FANCC: variants seen among roughly 807,000 people sequenced by gnomAD.
FANCC encodes Fanconi anemia group C protein.
In FANCC, 55 loss-of-function variants were observed where a neutral mutation model predicts 71.3. The ratio of observed to expected loss-of-function variants is 0.77; its 90% CI spans 0.62 to 0.97. The LOEUF (loss-of-function observed/expected upper bound fraction) is 0.97. FANCC is among the 50% of genes least tolerant of loss of function. FANCC has a pLI of 0.00. For missense variants in FANCC, 678 were observed against 670.9 expected (o/e 1.01, Z -0.12); for synonymous variants, 275 against 244.9 (o/e 1.12, Z -1.15).
At chr9:95,136,573 A>G (rs1052017411) in intron 7 of FANCC, among the ~76,000 whole-genome samples, 3 of 151,996 alleles carry the variant, frequency 2.0e-5, no homozygotes, top group Non-Finnish European at 2.9e-5. Flanking sequence ...TGTAACCTCA[A>G]ACTCCTAGGC....
chr9:95,210,589 ATTT>A (rs1828434795), intron 4 of FANCC, among the ~76,000 whole-genome samples: 1 of 152,178 alleles, frequency 6.6e-6, no homozygotes, highest in African/African-American at 2.4e-5. Context: ...TGGTAAAGTT[ATTT>A]TGTCACTACA....
At chr9:95,210,433 A>C (rs1390187657) in intron 4 of FANCC, among the ~76,000 whole-genome samples, 1 of 152,218 alleles carries the variant, frequency 6.6e-6, no homozygotes, top group African/African-American at 2.4e-5. Flanking sequence ...CCTTAATCAG[A>C]AACTCAGTTC....
chr9:95,273,502 A>T (rs2136228251), intron 1 of FANCC, among the ~76,000 whole-genome samples: 1 of 152,306 alleles, frequency 6.6e-6, no homozygotes, highest in Non-Finnish European at 1.5e-5. Flanking sequence ...TCCAAATAGG[A>T]AGTGGAACTA....
At chr9:95,124,466 G>A (rs192669457) in intron 10 of FANCC, among the ~76,000 whole-genome samples, 1 of 152,282 alleles carries the variant, frequency 6.6e-6, no homozygotes, top group East Asian at 1.9e-4. Context: ...TGCTGGGGAC[G>A]TGGAGCACAA....
chr9:95,185,566 T>C lies in FANCC; in HGVS notation c.346-13419A>G, dbSNP rs151243280. 5.9e-4 allele frequency among the ~76,000 whole-genome samples: 90 copies of C among 152,286 alleles called. 1 individual carries two copies. The East Asian group carries it at 0.016, about 27-fold the overall frequency. On this transcript the variant is annotated intron_variant, in intron 4 of 14. Coordinates refer to ENST00000289081, the MANE Select transcript of FANCC (RefSeq NM_000136.3). ...AACAAATCATGCCCAATTCCCAACC[T>C]CGAACCCAACAACTTGCTTCCAACA...
At chr9:95,119,785 C>T (rs547915910) in intron 10 of FANCC, among the ~76,000 whole-genome samples, 54 of 152,302 alleles carry the variant, frequency 3.5e-4, no homozygotes, top group African/African-American at 1.3e-3. Context: ...GATCACAGCT[C>T]ACTGAAGCCT....
chr9:95,110,569 T>C, intron 13 of FANCC: 5 of 1,033,862 alleles, frequency 4.8e-6, no homozygotes, highest in Non-Finnish European at 5.8e-6. Context: ...AAATTTCAAC[T>C]TTTTAAAATC....
chr9:95,245,898 CAAAA>C (rs140313312), intron 3 of FANCC, among the ~76,000 whole-genome samples: 7 of 116,070 alleles, frequency 6.0e-5, no homozygotes, highest in African/African-American at 2.5e-4. Context: ...AACTCTGTCT[CAAAA>C]AAAAAAAAAA....
At chr9:95,114,105 C>A in intron 12 of FANCC, 1 of 185,684 alleles carries the variant, frequency 5.4e-6, no homozygotes, top group East Asian at 1.2e-4. Context: ...TAAAACAAAC[C>A]AACCAACCCA....
intron 6 of FANCC, among the ~76,000 whole-genome samples, chr9:95,164,958 C>T (rs1830980043): frequency 6.6e-6 from 1 of 152,022 alleles, no homozygotes; most frequent in Non-Finnish European, 1.5e-5. Flanking sequence ...AATTCAATCT[C>T]TTTACTAGTT....
intron 1 of FANCC, among the ~76,000 whole-genome samples, chr9:95,310,673 G>T (rs1292312248): frequency 5.9e-5 from 9 of 152,038 alleles, no homozygotes; most frequent in Admixed American, 2.6e-4. Context: ...ACCAATAAAA[G>T]TCCACCCCCA....
chr9:95,126,789 G>GC (rs1183078455), intron 8 of FANCC: 7 of 579,050 alleles, frequency 1.2e-5, no homozygotes, highest in Non-Finnish European at 1.6e-5. Context: ...GTTACAGGCA[G>GC]CTTATTCCTC....
At chr9:95,296,684 T>G (rs1168551640) in intron 1 of FANCC, among the ~76,000 whole-genome samples, 1 of 152,188 alleles carries the variant, frequency 6.6e-6, no homozygotes, top group Admixed American at 6.5e-5. Flanking sequence ...ACAAACACAG[T>G]CATGTGTTGG....
At chr9:95,271,452 CAG>C (rs1415349234) in intron 1 of FANCC, among the ~76,000 whole-genome samples, 2 of 152,122 alleles carry the variant, frequency 1.3e-5, no homozygotes, top group African/African-American at 4.8e-5. Context: ...AAAGTGAAGA[CAG>C]AAGCAAAGAT....
At chr9:95,230,686 T>C (rs1308706759) in intron 4 of FANCC, among the ~76,000 whole-genome samples, 1 of 151,136 alleles carries the variant, frequency 6.6e-6, no homozygotes, top group South Asian at 2.1e-4. Context: ...ACCCAAAGAG[T>C]GAGCAGCAGC....
chr9:95,231,624 G>C (rs1588321437), intron 4 of FANCC, among the ~76,000 whole-genome samples: 1 of 152,164 alleles, frequency 6.6e-6, no homozygotes, highest in East Asian at 1.9e-4. Context: ...ATGGGATAAA[G>C]AACCCCGTCC....
At chr9:95,195,827 G>A (rs1350868040) in intron 4 of FANCC, among the ~76,000 whole-genome samples, 1 of 152,034 alleles carries the variant, frequency 6.6e-6, no homozygotes, top group South Asian at 2.1e-4. Context: ...ATCCCATTTT[G>A]TTATGTATAT....
intron 1 of FANCC, among the ~76,000 whole-genome samples, chr9:95,261,183 C>G (rs552376233): frequency 6.6e-6 from 1 of 152,258 alleles, no homozygotes; most frequent in South Asian, 2.1e-4. Flanking sequence ...AAAATGCATG[C>G]CTTGAAAAAT....
chr9:95,208,035 AAAGTAT>A (rs1432406804), intron 4 of FANCC, among the ~76,000 whole-genome samples: 3 of 143,810 alleles, frequency 2.1e-5, no homozygotes, highest in Non-Finnish European at 4.6e-5. Context: ...AAGGGACAGG[AAAGTAT>A]TAAACTCTGT....
Sources: gnomAD v4.1 joint callset for allele counts (sites outside exome capture counted in the v4.1 genomes callset) on GRCh38, gnomAD v4.1.1 for gene constraint, MANE v1.5 for transcripts, NCBI Gene and HGNC (gene_info 2026-07-23, HGNC 2026-07-21) for gene names.